Variants in PRELID2 observed in about 807,000 individuals in gnomAD.
PRELID2 encodes the protein PRELI domain-containing protein 2.
PRELID2 carries 25 observed loss-of-function variants against 28.4 expected under a neutral mutation model. That is an observed-to-expected ratio of 0.88 (90% CI 0.64 to 1.23). The LOEUF (loss-of-function observed/expected upper bound fraction) is 1.23, where lower values mean the gene tolerates loss of function less well. Ranked by LOEUF, PRELID2 falls within the 50% of genes most tolerant of loss-of-function variation. The probability of loss-of-function intolerance (pLI) is 0.00; values close to 1 mark genes in which losing one functional copy is unlikely to be tolerated. For missense variants in PRELID2, 201 were observed against 214.4 expected (o/e 0.94, Z 0.39); for synonymous variants, 76 against 71.6 (o/e 1.06, Z -0.31).
At chr5:145,366,174 A>G in the PRELID2 span, among the ~76,000 whole-genome samples, 2 of 151,844 alleles carry the variant, frequency 1.3e-5, no homozygotes, top group Admixed American at 6.6e-5. Context: ...CAATTATTAG[A>G]CAAGGTTTTG....
the PRELID2 span, among the ~76,000 whole-genome samples, chr5:145,428,956 G>A: frequency 1.3e-5 from 2 of 152,150 alleles, no homozygotes; most frequent in Non-Finnish European, 2.9e-5. Flanking sequence ...CCAAAGAGGA[G>A]TAGGGAAGGA....
chr5:145,416,019 C>A, the PRELID2 span, among the ~76,000 whole-genome samples: 2 of 152,002 alleles, frequency 1.3e-5, no homozygotes, highest in Non-Finnish European at 2.9e-5. Context: ...ATTTGCATTT[C>A]TCTGATGGCC....
intron 1 of PRELID2, among the ~76,000 whole-genome samples, chr5:145,525,986 G>C (rs1752602773): frequency 6.6e-6 from 1 of 152,118 alleles, no homozygotes; most frequent in Non-Finnish European, 1.5e-5. Flanking sequence ...CTGTGCAAGG[G>C]GCTGGGAGTC....
intron 1 of PRELID2, among the ~76,000 whole-genome samples, chr5:145,698,077 A>C (rs1293888604): frequency 6.6e-6 from 1 of 152,116 alleles, no homozygotes; most frequent in African/African-American, 2.4e-5. Flanking sequence ...ATTATTAACT[A>C]AAAATATCAT....
chr5:145,627,392 T>C (rs1041658131), intron 1 of PRELID2, among the ~76,000 whole-genome samples: 9 of 152,124 alleles, frequency 5.9e-5, no homozygotes, highest in Admixed American at 2.6e-4. Flanking sequence ...GTGGGTACAA[T>C]GTACCCTATT....
intron 1 of PRELID2, among the ~76,000 whole-genome samples, chr5:145,646,922 G>A (rs1274112598): frequency 6.6e-6 from 1 of 152,240 alleles, no homozygotes; most frequent in Middle Eastern, 3.4e-3. Context: ...GCCAGATGCC[G>A]GCCAGAGCTC....
the PRELID2 span, among the ~76,000 whole-genome samples, chr5:145,314,134 T>C: frequency 6.6e-6 from 1 of 152,208 alleles, no homozygotes; most frequent in African/African-American, 2.4e-5. Context: ...ACCTTCATCA[T>C]GGATGAAGAA....
the PRELID2 span, among the ~76,000 whole-genome samples, chr5:145,413,611 T>TACACACACACACACACACACAC: frequency 7.1e-6 from 1 of 140,062 alleles, no homozygotes; most frequent in African/African-American, 2.6e-5. Flanking sequence ...ATGAAGAAAA[T>TACACACACACACACACACACAC]ACACACACAC....
the PRELID2 span, among the ~76,000 whole-genome samples, chr5:145,312,237 C>T: frequency 6.6e-6 from 1 of 151,676 alleles, no homozygotes; most frequent in Non-Finnish European, 1.5e-5. Flanking sequence ...GCCTGTAGTT[C>T]TAACTACTAG....
At chr5:145,252,828 T>C in the PRELID2 span, among the ~76,000 whole-genome samples, 1 of 152,140 alleles carries the variant, frequency 6.6e-6, no homozygotes, top group Non-Finnish European at 1.5e-5. Flanking sequence ...GCCACTGAAC[T>C]GTACATCTAA....
intron 1 of PRELID2, among the ~76,000 whole-genome samples, chr5:145,723,993 A>C (rs1487119146): frequency 6.6e-6 from 1 of 152,206 alleles, no homozygotes; most frequent in African/African-American, 2.4e-5. Context: ...CATACACACA[A>C]TGGAATGCTA....
intron 2 of PRELID2, among the ~76,000 whole-genome samples, chr5:145,821,937 AAAT>A (rs2149872102): frequency 6.6e-6 from 1 of 152,320 alleles, no homozygotes; most frequent in South Asian, 2.1e-4. Context: ...TCAAGATTTG[AAAT>A]CCAGTTTGTC....
intron 1 of PRELID2, among the ~76,000 whole-genome samples, chr5:145,571,612 C>T (rs554156870): frequency 6.6e-6 from 1 of 152,196 alleles, no homozygotes; most frequent in Admixed American, 6.5e-5. Context: ...CCCTCCCTTT[C>T]CAGACTTTTC....
At chr5:145,739,611 T>A (rs1410951207) in intron 1 of PRELID2, among the ~76,000 whole-genome samples, 4 of 146,180 alleles carry the variant, frequency 2.7e-5, no homozygotes, top group African/African-American at 1.0e-4. Flanking sequence ...CTAAATTATG[T>A]TTAATAATTG....
At position 145,758,552 on chromosome 5, in the gene PRELID2, T is replaced by G. The variant is rs1299534804; in HGVS notation, c.*1984A>C. Among the ~76,000 whole-genome samples the G allele has an allele frequency of 6.6e-6, 1 of 152,136 alleles. No homozygotes were observed. The highest frequency in any genetic ancestry group is 1.5e-5 in the Non-Finnish European group (1 of 68,026). ...AGCAATCCTAACAGACAGCCAAGGTTGAGAACTCCTGCCTTCAGAGGATGG... is the reference window on the plus strand; with the variant it reads ...AGCAATCCTAACAGACAGCCAAGGTGGAGAACTCCTGCCTTCAGAGGATGG... On this transcript the variant is annotated 3_prime_UTR_variant, in exon 7 of 7. Transcript: ENST00000683046.
the PRELID2 span, among the ~76,000 whole-genome samples, chr5:145,371,748 G>A: frequency 6.6e-6 from 1 of 150,954 alleles, no homozygotes; most frequent in Admixed American, 6.6e-5. Context: ...GCCTAGAGAT[G>A]TTTATAGCAT....
At chr5:145,743,306 G>A (rs1381075167) in intron 1 of PRELID2, among the ~76,000 whole-genome samples, 2 of 151,780 alleles carry the variant, frequency 1.3e-5, no homozygotes, top group Middle Eastern at 3.4e-3. Flanking sequence ...AGCTACTCGG[G>A]AGGCTGAGGC....
At chr5:145,298,043 C>T in the PRELID2 span, among the ~76,000 whole-genome samples, 1 of 152,040 alleles carries the variant, frequency 6.6e-6, no homozygotes, top group Admixed American at 6.6e-5. Context: ...GGCCATACTG[C>T]CCAAGGTAAT....
intron 1 of PRELID2, among the ~76,000 whole-genome samples, chr5:145,539,414 G>A (rs1310897814): frequency 1.3e-5 from 2 of 151,958 alleles, no homozygotes; most frequent in African/African-American, 4.8e-5. Context: ...ATCTGGGAGT[G>A]GAGCCCAAGA....
Sources: gnomAD v4.1 joint callset for allele counts (sites outside exome capture counted in the v4.1 genomes callset) on GRCh38, gnomAD v4.1.1 for gene constraint, MANE v1.5 for transcripts, NCBI Gene and HGNC (gene_info 2026-07-23, HGNC 2026-07-21) for gene names.